The following KCND3 variants were observed in gnomAD, a reference collection of about 807,000 sequenced individuals.
KCND3 encodes the protein potassium voltage-gated channel subfamily D member 3.
In KCND3, 9 loss-of-function variants were observed where a neutral mutation model predicts 51.1. The observed-to-expected ratio is 0.18, with a 90% CI of 0.11 to 0.31. The LOEUF (loss-of-function observed/expected upper bound fraction) is 0.31, where lower values mean the gene tolerates loss of function less well. KCND3 is among the 10% of genes least tolerant of loss of function. KCND3 has a pLI of 1.00. For synonymous variants in KCND3, 349 were observed against 368.0 expected (o/e 0.95, Z 0.59); for missense variants, 526 against 903.8 (o/e 0.58, Z 5.36).
chr1:111,885,179 A>G (rs536844750), intron 2 of KCND3, among the ~76,000 whole-genome samples: 1 of 152,318 alleles, frequency 6.6e-6, no homozygotes, highest in South Asian at 2.1e-4. Context: ...AGGAGGAGGA[A>G]GGTGGGCTGA....
intron 2 of KCND3, among the ~76,000 whole-genome samples, chr1:111,925,821 G>C (rs72694612): frequency 3.9e-5 from 6 of 152,070 alleles, no homozygotes; most frequent in Non-Finnish European, 7.4e-5. Context: ...CTCGAAAAAA[G>C]ACCAACCCCC....
chr1:111,807,529 A>T (rs1043203407), intron 2 of KCND3, among the ~76,000 whole-genome samples: 4 of 152,136 alleles, frequency 2.6e-5, no homozygotes, highest in African/African-American at 7.2e-5. Flanking sequence ...TACAAAAAAT[A>T]GCTGTGTGTG....
intron 2 of KCND3, among the ~76,000 whole-genome samples, chr1:111,829,589 TAA>T (rs1666740941): frequency 6.6e-6 from 1 of 152,154 alleles, no homozygotes; most frequent in African/African-American, 2.4e-5. Context: ...GTGGCAGGAA[TAA>T]GTGTCCCCGG....
chr1:111,867,441 T>C (rs998752722), intron 2 of KCND3, among the ~76,000 whole-genome samples: 2 of 152,336 alleles, frequency 1.3e-5, no homozygotes, highest in East Asian at 1.9e-4. Context: ...TTTCTGAATA[T>C]GCAGAGCACC....
At chr1:111,809,657 G>A (rs1225593566) in intron 2 of KCND3, among the ~76,000 whole-genome samples, 1 of 152,126 alleles carries the variant, frequency 6.6e-6, no homozygotes, top group East Asian at 1.9e-4. Context: ...TCCCGTGTGT[G>A]TGTGTGTGTG....
At chr1:111,816,889 C>T (rs1666113741) in intron 2 of KCND3, among the ~76,000 whole-genome samples, 1 of 152,342 alleles carries the variant, frequency 6.6e-6, no homozygotes, top group Non-Finnish European at 1.5e-5. Context: ...CTGACACACA[C>T]TTGGAAGCAA....
chr1:111,813,282 C>T (rs181362761), intron 2 of KCND3, among the ~76,000 whole-genome samples: 1 of 152,236 alleles, frequency 6.6e-6, no homozygotes, highest in African/African-American at 2.4e-5. Flanking sequence ...CCTGATCAGA[C>T]TCCAGTCCCT....
chr1:111,912,100 G>C (rs917639680), intron 2 of KCND3, among the ~76,000 whole-genome samples: 3 of 152,230 alleles, frequency 2.0e-5, no homozygotes, highest in African/African-American at 7.2e-5. Flanking sequence ...TAAGGCTGGA[G>C]AAAGAACCAT....
At chr1:111,865,528 TG>T (rs1219287216) in intron 2 of KCND3, among the ~76,000 whole-genome samples, 1 of 152,220 alleles carries the variant, frequency 6.6e-6, no homozygotes, top group African/African-American at 2.4e-5. Flanking sequence ...GTCAGGGTCC[TG>T]GGAAGTTTTT....
rs1011741619 is a variant in KCND3, at chr1:111,773,976, C to T, written c.*2101G>A. Reference sequence around the variant, plus strand: ...ACACATGTACTCTGTAGTTGTAAAGCTTTTCTGCCTTCTTAGTCTGTAAGC... The same window carrying T: ...ACACATGTACTCTGTAGTTGTAAAGTTTTTCTGCCTTCTTAGTCTGTAAGC... On this transcript the variant is annotated 3_prime_UTR_variant, in exon 8 of 8. Coordinates refer to ENST00000302127, the MANE Select transcript of KCND3 (RefSeq NM_001378969.1). 2 of 152,194 alleles carry T rather than the reference C, an allele frequency of 1.3e-5. No individual in the cohort carries two copies. Among genetic ancestry groups the T allele is most frequent in the African/African-American group, 4.8e-5 (2 of 41,450 alleles). 9.4% of individuals were successfully genotyped at this position (152,194 alleles called of 1,614,324 possible).
At chr1:111,811,626 C>T (rs1262189829) in intron 2 of KCND3, among the ~76,000 whole-genome samples, 2 of 152,188 alleles carry the variant, frequency 1.3e-5, no homozygotes, top group Non-Finnish European at 2.9e-5. Context: ...GGCAAATGCG[C>T]TCTTCGGATC....
At chr1:111,956,299 T>C (rs1673336546) in intron 2 of KCND3, among the ~76,000 whole-genome samples, 1 of 152,128 alleles carries the variant, frequency 6.6e-6, no homozygotes, top group South Asian at 2.1e-4. Context: ...TGGATGACTT[T>C]GTGAGGGCAT....
intron 2 of KCND3, among the ~76,000 whole-genome samples, chr1:111,876,368 C>CA (rs34040283): frequency 0.44 from 66,510 of 152,128 alleles, 14,706 homozygotes; most frequent in Middle Eastern, 0.51. Flanking sequence ...GTGCATTTGC[C>CA]GAGTGCCTAT....
chr1:111,866,604 A>ACACACACACC (rs1668586031), intron 2 of KCND3, among the ~76,000 whole-genome samples: 1 of 151,204 alleles, frequency 6.6e-6, no homozygotes, highest in Non-Finnish European at 1.5e-5. Flanking sequence ...ACACACACAC[A>ACACACACACC]CACACACACA....
In KCND3 at chr1:111,940,248, A is replaced by G. The variant is rs576314472; in HGVS notation, c.1106+41373T>C. On this transcript the variant is annotated intron_variant, in intron 2 of 7. Transcript: ENST00000302127. ...TAGTTTAATTAGATCCCATTTGTCA[A>G]TTCTGGCTTTTGTTGCCATTGTTTT... 3.3e-5 allele frequency among the ~76,000 whole-genome samples: 5 copies of G among 151,720 alleles called. No homozygotes were observed. The East Asian group carries it at 9.7e-4, about 29-fold the overall frequency.
At chr1:111,815,882 T>C (rs527962956) in intron 2 of KCND3, among the ~76,000 whole-genome samples, 4 of 152,118 alleles carry the variant, frequency 2.6e-5, no homozygotes, top group Admixed American at 2.0e-4. Flanking sequence ...TTCCTGGATG[T>C]TCCCCCCCCA....
chr1:111,922,328 A>C (rs1176356786), intron 2 of KCND3, among the ~76,000 whole-genome samples: 1 of 152,250 alleles, frequency 6.6e-6, no homozygotes, highest in Non-Finnish European at 1.5e-5. Context: ...TGTTTGAGGA[A>C]GGGTGATACA....
chr1:111,809,304 A>G (rs1472067020), intron 2 of KCND3, among the ~76,000 whole-genome samples: 2 of 85,536 alleles, frequency 2.3e-5, no homozygotes, highest in African/African-American at 1.1e-4. Context: ...GCGGAAGATT[A>G]TTTTTCTTTC....
At chr1:111,915,243 G>C (rs1459176594) in intron 2 of KCND3, among the ~76,000 whole-genome samples, 1 of 151,968 alleles carries the variant, frequency 6.6e-6, no homozygotes, top group African/African-American at 2.4e-5. Context: ...TAAACAGCAA[G>C]ATAGTAGACT....
Sources: gnomAD v4.1 joint callset for allele counts (sites outside exome capture counted in the v4.1 genomes callset) on GRCh38, gnomAD v4.1.1 for gene constraint, MANE v1.5 for transcripts, NCBI Gene and HGNC (gene_info 2026-07-23, HGNC 2026-07-21) for gene names.